Variants in NELL1 observed in about 807,000 individuals in gnomAD.
NELL1 encodes protein kinase C-binding protein NELL1.
NELL1 carries 76 observed loss-of-function variants against 107.4 expected under a neutral mutation model. The ratio of observed to expected loss-of-function variants is 0.71; its 90% CI spans 0.59 to 0.86. The LOEUF (loss-of-function observed/expected upper bound fraction) is 0.86. Among genes scored for constraint, NELL1 ranks in the 40% least tolerant of loss-of-function variants. The probability of loss-of-function intolerance (pLI) is 0.00; values close to 1 mark genes in which losing one functional copy is unlikely to be tolerated. For synonymous variants in NELL1, 353 were observed against 341.2 expected (o/e 1.03, Z -0.38); for missense variants, 1,024 against 1,005.5 (o/e 1.02, Z -0.25).
At chr11:21,434,776 A>C (rs961276816) in intron 15 of NELL1, among the ~76,000 whole-genome samples, 1 of 152,074 alleles carries the variant, frequency 6.6e-6, no homozygotes. Flanking sequence ...TTGAATTTGT[A>C]GATTGCTTTC....
chr11:20,980,703 G>A (rs1285763127), intron 12 of NELL1, among the ~76,000 whole-genome samples: 2 of 152,108 alleles, frequency 1.3e-5, no homozygotes, highest in Non-Finnish European at 2.9e-5. Context: ...TCCTCTCTCT[G>A]TCTCTCTTTG....
intron 12 of NELL1, among the ~76,000 whole-genome samples, chr11:21,033,664 A>C (rs916214212): frequency 1.3e-5 from 2 of 151,980 alleles, no homozygotes; most frequent in African/African-American, 2.4e-5. Context: ...GGTTGATTCC[A>C]TGTCTTTTGC....
At chr11:20,792,157 T>A (rs935599671) in intron 3 of NELL1, among the ~76,000 whole-genome samples, 1 of 152,114 alleles carries the variant, frequency 6.6e-6, no homozygotes, top group Non-Finnish European at 1.5e-5. Context: ...ATAGCTTTTT[T>A]AAGCTAACAT....
chr11:21,403,842 A>G (rs192501537), intron 15 of NELL1, among the ~76,000 whole-genome samples: 137 of 151,856 alleles, frequency 9.0e-4, no homozygotes, highest in African/African-American at 3.1e-3. Flanking sequence ...CCCATTTCTG[A>G]GTCCTGTCTC....
chr11:21,545,229 C>G (rs554093335), intron 16 of NELL1, among the ~76,000 whole-genome samples: 1 of 147,436 alleles, frequency 6.8e-6, no homozygotes, highest in Non-Finnish European at 1.5e-5. Context: ...ATGACATTTA[C>G]GAGGTTGCTC....
intron 14 of NELL1, among the ~76,000 whole-genome samples, chr11:21,307,907 G>A (rs977898242): frequency 6.6e-6 from 1 of 151,990 alleles, no homozygotes; most frequent in African/African-American, 2.4e-5. Context: ...AAATTATTGA[G>A]TAAAGTTCTT....
intron 2 of NELL1, among the ~76,000 whole-genome samples, chr11:20,696,203 T>C (rs1854612654): frequency 6.6e-6 from 1 of 152,146 alleles, no homozygotes; most frequent in Non-Finnish European, 1.5e-5. Flanking sequence ...TCTATTGATC[T>C]TGTTTATACT....
intron 12 of NELL1, among the ~76,000 whole-genome samples, chr11:20,962,958 G>T (rs757523659): frequency 1.3e-5 from 2 of 152,156 alleles, no homozygotes; most frequent in Non-Finnish European, 2.9e-5. Flanking sequence ...ATGGGTTAAA[G>T]CAGGGGTCAA....
intron 12 of NELL1, among the ~76,000 whole-genome samples, chr11:21,082,810 A>G (rs762165463): frequency 2.6e-5 from 4 of 152,226 alleles, no homozygotes; most frequent in Non-Finnish European, 1.5e-5. Context: ...TTCAACTGAA[A>G]TGCTTCACCC....
chr11:21,272,904 C>T (rs571189899), intron 14 of NELL1, among the ~76,000 whole-genome samples: 23 of 152,232 alleles, frequency 1.5e-4, no homozygotes, highest in South Asian at 4.1e-4. Context: ...CCCATCTGTA[C>T]GTCACCATCA....
chr11:21,517,940 G>C (rs937874139), intron 15 of NELL1, among the ~76,000 whole-genome samples: 5 of 151,798 alleles, frequency 3.3e-5, no homozygotes, highest in African/African-American at 1.2e-4. Flanking sequence ...TTCTTCATGA[G>C]ACCAGCTCTG....
At chr11:21,182,440 G>GAA (rs201319322) in intron 13 of NELL1, among the ~76,000 whole-genome samples, 54 of 111,732 alleles carry the variant, frequency 4.8e-4, no homozygotes, top group Middle Eastern at 5.0e-3. Context: ...GTCTCAAAAA[G>GAA]AAAAAAAAAA....
intron 12 of NELL1, among the ~76,000 whole-genome samples, chr11:21,043,443 G>A (rs1590576280): frequency 1.3e-5 from 2 of 152,102 alleles, no homozygotes; most frequent in Non-Finnish European, 2.9e-5. Flanking sequence ...GAGAGAGAAA[G>A]GGAGACAGAG....
chr11:20,743,584 A>G (rs1311596000), intron 2 of NELL1, among the ~76,000 whole-genome samples: 1 of 152,102 alleles, frequency 6.6e-6, no homozygotes, highest in Non-Finnish European at 1.5e-5. Context: ...TTGAGCCTTG[A>G]GTCTTCTCTA....
chr11:21,196,119 A>G (rs1444502181), intron 13 of NELL1, among the ~76,000 whole-genome samples: 1 of 152,158 alleles, frequency 6.6e-6, no homozygotes, highest in Non-Finnish European at 1.5e-5. Context: ...CATTTGCTAC[A>G]TAAGTGGAGG....
intron 14 of NELL1, among the ~76,000 whole-genome samples, chr11:21,268,402 T>C (rs901659353): frequency 1.3e-5 from 2 of 152,126 alleles, no homozygotes; most frequent in African/African-American, 4.8e-5. Flanking sequence ...AACCTGCCTT[T>C]AAGAGGAACT....
chr11:21,162,947 A>C (rs777768632), intron 13 of NELL1, among the ~76,000 whole-genome samples: 3 of 152,208 alleles, frequency 2.0e-5, no homozygotes, highest in Non-Finnish European at 4.4e-5. Flanking sequence ...AGGAAGGGAG[A>C]CATGTAATAC....
intron 14 of NELL1, among the ~76,000 whole-genome samples, chr11:21,279,716 G>T (rs1321531661): frequency 6.6e-6 from 1 of 152,136 alleles, no homozygotes; most frequent in Non-Finnish European, 1.5e-5. Context: ...GTGCTTCTTG[G>T]TATTTTTCCA....
intron 16 of NELL1, among the ~76,000 whole-genome samples, chr11:21,536,614 A>G (rs1310949638): frequency 6.6e-6 from 1 of 152,180 alleles, no homozygotes. Context: ...ACTATTGAGC[A>G]GCGAATGGGC....
Sources: allele counts gnomAD v4.1 joint callset (sites outside exome capture counted in the v4.1 genomes callset), GRCh38; gene constraint gnomAD v4.1.1; transcripts MANE v1.5; gene names NCBI Gene and HGNC (gene_info 2026-07-23, HGNC 2026-07-21).